SATB2: variants seen among roughly 807,000 people sequenced by gnomAD.
SATB2 encodes DNA-binding protein SATB2.
SATB2 carries 1 observed loss-of-function variant against 73.4 expected under a neutral mutation model. The ratio of observed to expected loss-of-function variants is 0.01; its 90% CI spans 0.00 to 0.06. The LOEUF (loss-of-function observed/expected upper bound fraction) is 0.06, where lower values mean the gene tolerates loss of function less well. SATB2 is among the 10% of genes least tolerant of loss of function. The pLI is 1.00. For missense variants in SATB2, 459 were observed against 945.8 expected, an observed-to-expected ratio of 0.49 and a Z score of 6.75; for synonymous variants, 397 against 367.0, an observed-to-expected ratio of 1.08 and a Z score of -0.93.
intron 10 of SATB2, among the ~76,000 whole-genome samples, chr2:199,276,356 GTGTTT>G (rs761046650): frequency 3.3e-5 from 5 of 152,106 alleles, no homozygotes; most frequent in African/African-American, 1.2e-4. Context: ...TTTCGATTTG[GTGTTT>G]TGTTTTGTTT....
intron 9 of SATB2, 67 bp downstream of exon 9, chr2:199,323,736 T>C (rs1477431319): frequency 6.9e-7 from 1 of 1,450,078 alleles, no homozygotes; most frequent in Non-Finnish European, 9.7e-7. Flanking sequence ...AGATGTATTT[T>C]TATTGGTGGA....
intron 9 of SATB2, among the ~76,000 whole-genome samples, chr2:199,313,027 AG>A (rs1364832318): frequency 2.0e-5 from 3 of 152,216 alleles, no homozygotes; most frequent in Non-Finnish European, 4.4e-5. Flanking sequence ...ATCCTGTCCC[AG>A]AAAATAGACA....
chr2:199,428,630 T>C (rs940659405), intron 3 of SATB2, among the ~76,000 whole-genome samples: 2 of 152,208 alleles, frequency 1.3e-5, no homozygotes, highest in African/African-American at 4.8e-5. Flanking sequence ...ATGTATAACT[T>C]ACTTCAAAAG....
In SATB2 at chr2:199,323,835, G is replaced by T; in HGVS notation, c.1510C>A (p.Leu504Met). ...EMKRAKVSQALFAKVAANKSQ... is the reference protein window; with the variant it reads ...EMKRAKVSQAMFAKVAANKSQ... ...TTATTTGCAGCCACTTTGGCAAACA[G>T]GGCTTGAGACACCTTGGCCCTTTTC... is the stretch of plus-strand genomic sequence containing the variant. The change falls in exon 9 of 11, where the codon CTG becomes ATG. Residue 504 changes from leucine to methionine, a missense_variant. Transcript: ENST00000417098. 1 of 1,613,466 alleles carries T rather than the reference G, an allele frequency of 6.2e-7. No individual in the cohort carries two copies. The highest frequency in any genetic ancestry group is 8.5e-7 in the Non-Finnish European group (1 of 1,179,638).
intron 9 of SATB2, among the ~76,000 whole-genome samples, chr2:199,314,830 T>C (rs1392050215): frequency 1.3e-5 from 2 of 152,112 alleles, no homozygotes; most frequent in Admixed American, 1.3e-4. Flanking sequence ...CCTAGGAGTC[T>C]TTGAGGGCTT....
At chr2:199,342,610 G>A (rs1025153113) in intron 7 of SATB2, among the ~76,000 whole-genome samples, 1 of 152,084 alleles carries the variant, frequency 6.6e-6, no homozygotes, top group Non-Finnish European at 1.5e-5. Context: ...CTAATGTGCT[G>A]TATCCCTACC....
At chr2:199,430,310 GA>G (rs1691464010) in intron 3 of SATB2, among the ~76,000 whole-genome samples, 1 of 152,244 alleles carries the variant, frequency 6.6e-6, no homozygotes, top group Admixed American at 6.5e-5. Flanking sequence ...TTTCAATGCA[GA>G]GACGTGTACT....
chr2:199,360,512 T>A (rs1689107800), intron 6 of SATB2, among the ~76,000 whole-genome samples: 1 of 152,118 alleles, frequency 6.6e-6, no homozygotes, highest in African/African-American at 2.4e-5. Context: ...TGGCATGAGC[T>A]GCCCATCCTC....
At chr2:199,293,953 C>T (rs1692949232) in intron 10 of SATB2, among the ~76,000 whole-genome samples, 1 of 152,074 alleles carries the variant, frequency 6.6e-6, no homozygotes, top group Admixed American at 6.5e-5. Flanking sequence ...AAAATGATCA[C>T]AAATACTTTC....
intron 7 of SATB2, among the ~76,000 whole-genome samples, chr2:199,333,179 A>G (rs1004248178): frequency 1.3e-5 from 2 of 152,046 alleles, no homozygotes; most frequent in African/African-American, 4.8e-5. Context: ...AGATCAGTCT[A>G]TTAATTCATT....
chr2:199,323,606 A>T (rs1225735378), intron 9 of SATB2, among the ~76,000 whole-genome samples, 197 bp downstream of exon 9: 3 of 152,068 alleles, frequency 2.0e-5, no homozygotes, highest in Non-Finnish European at 4.4e-5. Context: ...AAAAGAAAAA[A>T]GGTCAAGTTT....
upstream of SATB2, among the ~76,000 whole-genome samples, chr2:199,468,702 C>G (rs1692643261): frequency 6.6e-6 from 1 of 152,176 alleles, no homozygotes; most frequent in Non-Finnish European, 1.5e-5. Context: ...TTGGCAGTTG[C>G]GGCTGACTGC....
chr2:199,387,286 G>A (rs1012766609), intron 3 of SATB2, among the ~76,000 whole-genome samples: 14 of 152,098 alleles, frequency 9.2e-5, no homozygotes, highest in Admixed American at 2.0e-4. Flanking sequence ...ACGTCCAAGC[G>A]CCCAACCACA....
At chr2:199,284,867 A>G in intron 10 of SATB2, among the ~76,000 whole-genome samples, 1 of 152,246 alleles carries the variant, frequency 6.6e-6, no homozygotes, top group South Asian at 2.1e-4. Flanking sequence ...ATAGTATAAT[A>G]ACTATTTACA....
intron 5 of SATB2, among the ~76,000 whole-genome samples, chr2:199,375,456 T>C (rs2105859249): frequency 6.6e-6 from 1 of 152,326 alleles, no homozygotes; most frequent in East Asian, 1.9e-4. Context: ...GGCTAAATCA[T>C]TACTTCCCTG....
chr2:199,289,049 A>G (rs1050217208), intron 10 of SATB2, among the ~76,000 whole-genome samples: 2 of 152,208 alleles, frequency 1.3e-5, no homozygotes, highest in African/African-American at 4.8e-5. Flanking sequence ...CAAGAGAAAA[A>G]TAATATGGAA....
intron 3 of SATB2, among the ~76,000 whole-genome samples, chr2:199,413,059 C>G (rs1056705330): frequency 1.2e-4 from 18 of 152,264 alleles, no homozygotes; most frequent in African/African-American, 4.1e-4. Flanking sequence ...TAATATATTT[C>G]AAATTAATAC....
chr2:199,389,167 G>A (rs1451615916), intron 3 of SATB2, among the ~76,000 whole-genome samples: 1 of 152,050 alleles, frequency 6.6e-6, no homozygotes, highest in African/African-American at 2.4e-5. Flanking sequence ...TGGTGGGAAT[G>A]ACTTTTCAAT....
At chr2:199,296,262 T>C (rs971014786) in intron 10 of SATB2, among the ~76,000 whole-genome samples, 1 of 152,206 alleles carries the variant, frequency 6.6e-6, no homozygotes, top group Non-Finnish European at 1.5e-5. Context: ...TGTTTTGTTG[T>C]TGTTGTTTAT....
Sources: allele counts gnomAD v4.1 joint callset (sites outside exome capture counted in the v4.1 genomes callset), GRCh38; gene constraint gnomAD v4.1.1; transcripts MANE v1.5; gene names NCBI Gene and HGNC (gene_info 2026-07-23, HGNC 2026-07-21).